ORC2: variants seen among roughly 807,000 people sequenced by gnomAD.
ORC2 encodes origin recognition complex protein 2 homolog.
In ORC2, 37 loss-of-function variants were observed where a neutral mutation model predicts 77.7. The observed-to-expected ratio is 0.48, with a 90% CI of 0.37 to 0.63. The LOEUF (loss-of-function observed/expected upper bound fraction) is 0.63, where lower values mean the gene tolerates loss of function less well. ORC2 is among the 20% of genes least tolerant of loss of function. The pLI is 0.00. For missense variants in ORC2, 557 were observed against 661.9 expected (o/e 0.84, Z 1.74); for synonymous variants, 201 against 229.5 (o/e 0.88, Z 1.12).
Position 200,955,808 on chromosome 2 carries a change from G to A in ORC2, c.238+1593C>T, listed in dbSNP as rs188916533. On this transcript the variant is annotated intron_variant, in intron 4 of 17. Coordinates refer to ENST00000234296, the MANE Select transcript of ORC2 (RefSeq NM_006190.5). ...CTTTGTCATTATTTTTTTAAGCTAG[G>A]TTGTGGGGATCTGTGTTCCTTGTAC... Among the ~76,000 whole-genome samples the A allele has an allele frequency of 2.8e-3, 433 of 152,208 alleles. 3 individuals carry two copies. The highest frequency in any genetic ancestry group is 0.01 in the African/African-American group (423 of 41,520).
chr2:200,930,049 A>G (rs2040911912), intron 11 of ORC2, among the ~76,000 whole-genome samples: 1 of 152,132 alleles, frequency 6.6e-6, no homozygotes, highest in Non-Finnish European at 1.5e-5. Flanking sequence ...AGTCATTCAT[A>G]TACAGAAAAC....
chr2:200,932,426 A>T (rs1159028797), intron 10 of ORC2, among the ~76,000 whole-genome samples: 2 of 140,708 alleles, frequency 1.4e-5, no homozygotes, highest in African/African-American at 5.4e-5. Flanking sequence ...TGCAAACTCC[A>T]CCTCCCAGGT....
Position 200,911,157 on chromosome 2 carries a change from T to G in ORC2, c.*144A>C. Reference sequence around the variant, plus strand: ...GCCAGGCTGATCAAAAAGTTCTAATTGAGGACATCCCCCCCTTCCCAAATT... The same window carrying G: ...GCCAGGCTGATCAAAAAGTTCTAATGGAGGACATCCCCCCCTTCCCAAATT... On this transcript the variant is annotated 3_prime_UTR_variant, in exon 18 of 18. Coordinates refer to ENST00000234296, the MANE Select transcript of ORC2 (RefSeq NM_006190.5). 1.6e-6 allele frequency: 1 copy of G among 610,138 alleles called. No individual in the cohort carries two copies. The highest frequency in any genetic ancestry group is 2.8e-5 in the East Asian group (1 of 35,122). 37.8% of individuals were successfully genotyped at this position (610,138 alleles called of 1,614,324 possible).
At chr2:200,920,428 T>C in intron 14 of ORC2, 35 bp from the exon 15 acceptor site, 1 of 1,435,782 alleles carries the variant, frequency 7.0e-7, no homozygotes, top group African/African-American at 1.4e-5. Context: ...GAATTACAAA[T>C]TATTTTTATA....
chr2:200,963,617 C>G lies in ORC2; in HGVS notation c.-187G>C, dbSNP rs1319250682. On this transcript the variant is annotated 5_prime_UTR_variant, in exon 1 of 18. Coordinates refer to ENST00000234296, the MANE Select transcript of ORC2 (RefSeq NM_006190.5). ...AAGCCAATTTCCAGTAATTCGCGCC[C>G]GACCACCGGGGAGGTAAGGAGCACC... 6 of 398,450 alleles carry G rather than the reference C, an allele frequency of 1.5e-5. No individual in the cohort carries two copies. The highest frequency in any genetic ancestry group is 2.7e-5 in the Non-Finnish European group (6 of 226,032). The allele number at this position is 398,450 out of a possible 1,614,324, so 24.7% of individuals were successfully genotyped here.
intron 10 of ORC2, among the ~76,000 whole-genome samples, chr2:200,932,043 A>T (rs568995545): frequency 2.6e-5 from 4 of 152,204 alleles, no homozygotes; most frequent in Non-Finnish European, 5.9e-5. Context: ...CTTTCAAGTA[A>T]AATATTATTT....
intron 6 of ORC2, among the ~76,000 whole-genome samples, chr2:200,942,023 A>T (rs1370639244): frequency 6.6e-6 from 1 of 151,700 alleles, no homozygotes; most frequent in East Asian, 1.9e-4. Flanking sequence ...AAAAAAAAAA[A>T]GTACAATGGA....
intron 5 of ORC2, among the ~76,000 whole-genome samples, chr2:200,943,752 G>A (rs2041196497): frequency 1.3e-5 from 2 of 151,598 alleles, no homozygotes; most frequent in South Asian, 4.2e-4. Flanking sequence ...AAATGAATTG[G>A]CTGCTTCTTC....
intron 5 of ORC2, 138 bp from the exon 6 acceptor site, chr2:200,942,915 G>T: frequency 2.1e-6 from 1 of 470,652 alleles, no homozygotes; most frequent in Non-Finnish European, 3.8e-6. Flanking sequence ...CATATTAGGA[G>T]TAATACTGCT....
intron 5 of ORC2, among the ~76,000 whole-genome samples, chr2:200,947,743 TTTG>T (rs1336332759): frequency 6.6e-6 from 1 of 152,104 alleles, no homozygotes; most frequent in Non-Finnish European, 1.5e-5. Context: ...TTTTTTTGTT[TTTG>T]TTTTTTTGAG....
chr2:200,924,497 G>A (rs905313767), intron 13 of ORC2, among the ~76,000 whole-genome samples: 3 of 152,074 alleles, frequency 2.0e-5, no homozygotes, highest in Admixed American at 1.3e-4. Context: ...CAAGATAAAA[G>A]TACTACGGAA....
chr2:200,944,221 T>C (rs2041208247), intron 5 of ORC2, among the ~76,000 whole-genome samples: 1 of 151,948 alleles, frequency 6.6e-6, no homozygotes, highest in African/African-American at 2.4e-5. Context: ...TCGCCCAGGC[T>C]GGAGTGCAGT....
chr2:200,962,696 C>T (rs1357453636), intron 1 of ORC2, among the ~76,000 whole-genome samples: 1 of 152,218 alleles, frequency 6.6e-6, no homozygotes, highest in Non-Finnish European at 1.5e-5. Context: ...ATCTCTAACT[C>T]ATTCAACATC....
chr2:200,937,979 A>G lies in ORC2; in HGVS notation c.454-13T>C, dbSNP rs2041077860. On this transcript the variant is annotated splice_polypyrimidine_tract_variant and intron_variant, in intron 7 of 17. Coordinates refer to ENST00000234296, the MANE Select transcript of ORC2 (RefSeq NM_006190.5). Reference sequence around the variant, plus strand: ...TTTTGTCATTGTTCTGTTTAGAAATAGAAAAAGCATTAAATAATAACATGG... The same window carrying G: ...TTTTGTCATTGTTCTGTTTAGAAATGGAAAAAGCATTAAATAATAACATGG... 1 of 1,563,520 alleles carries G rather than the reference A, an allele frequency of 6.4e-7. No homozygotes were observed. The highest frequency in any genetic ancestry group is 8.8e-7 in the Non-Finnish European group (1 of 1,141,566).
At chr2:200,931,935 C>T (rs1452962052) in intron 10 of ORC2, among the ~76,000 whole-genome samples, 1 of 152,144 alleles carries the variant, frequency 6.6e-6, no homozygotes, top group Non-Finnish European at 1.5e-5. Context: ...GAAATTCATG[C>T]TGATGAATCA....
In ORC2 at chr2:200,918,119, A is replaced by T. The variant is rs74845909; in HGVS notation, c.1466+2103T>A. On this transcript the variant is annotated intron_variant, in intron 15 of 17. Coordinates refer to ENST00000234296, the MANE Select transcript of ORC2 (RefSeq NM_006190.5). The stretch of plus-strand genomic sequence containing the variant: ...TTATTTCTACAACAAACATCTGTTC[A>T]GTTCAGCATTTGTCCTAAACGAAAA... Among the ~76,000 whole-genome samples the T allele has an allele frequency of 9.7e-3, 1,482 of 152,314 alleles. 19 individuals are homozygous for T. Among genetic ancestry groups the T allele is most frequent in the African/African-American group, 0.034 (1,416 of 41,560 alleles).
chr2:200,943,795 A>G (rs1575174800), intron 5 of ORC2, among the ~76,000 whole-genome samples: 1 of 148,128 alleles, frequency 6.8e-6, no homozygotes, highest in Non-Finnish European at 1.5e-5. Context: ...TATATGATTC[A>G]CTAAGTTTTT....
chr2:200,920,448 T>C, intron 14 of ORC2, 55 bp from the exon 15 acceptor site: 1 of 1,327,836 alleles, frequency 7.5e-7, no homozygotes, highest in Non-Finnish European at 1.0e-6. Context: ...ATTGTCATGT[T>C]ACTAGATTCC....
intron 10 of ORC2, among the ~76,000 whole-genome samples, chr2:200,932,601 G>T (rs572814499): frequency 1.3e-5 from 2 of 152,270 alleles, no homozygotes; most frequent in Non-Finnish European, 2.9e-5. Context: ...GCCTCCCAAA[G>T]TGCTGGTATT....
Sources: allele counts gnomAD v4.1 joint callset (sites outside exome capture counted in the v4.1 genomes callset), GRCh38; gene constraint gnomAD v4.1.1; transcripts MANE v1.5; gene names NCBI Gene and HGNC (gene_info 2026-07-23, HGNC 2026-07-21).